The following SH3BGR variants were observed in gnomAD, a reference collection of about 807,000 sequenced individuals.
The protein encoded by SH3BGR is SH3 domain binding glutamate rich protein.
In SH3BGR, 29 loss-of-function variants were observed where a neutral mutation model predicts 24.5. That is an observed-to-expected ratio of 1.18 (90% CI 0.88 to 1.61). The LOEUF (loss-of-function observed/expected upper bound fraction) is 1.61. SH3BGR is among the 40% of genes most tolerant of loss of function. The pLI is 0.00. For missense variants in SH3BGR, 162 were observed against 205.8 expected (o/e 0.79, Z 1.30); for synonymous variants, 55 against 65.7 (o/e 0.84, Z 0.79).
chr21:39,458,857 G>A (rs902997457), intron 1 of SH3BGR, among the ~76,000 whole-genome samples: 1 of 152,080 alleles, frequency 6.6e-6, no homozygotes, highest in African/African-American at 2.4e-5. Flanking sequence ...ATGTTGGCCA[G>A]GCTGGTCTCG....
upstream of SH3BGR, among the ~76,000 whole-genome samples, chr21:39,448,907 G>A (rs1602052106): frequency 7.2e-6 from 1 of 138,614 alleles, no homozygotes; most frequent in South Asian, 2.2e-4. Context: ...ACCCCCAAAC[G>A]CCTTGCAGAC....
chr21:39,500,799 G>C (rs1602161304), intron 4 of SH3BGR, among the ~76,000 whole-genome samples: 1 of 152,130 alleles, frequency 6.6e-6, no homozygotes, highest in Non-Finnish European at 1.5e-5. Context: ...AATGTGGCTA[G>C]AAAGGGGCTG....
chr21:39,450,718 C>T (rs1019642427), upstream of SH3BGR, among the ~76,000 whole-genome samples: 15 of 152,206 alleles, frequency 9.9e-5, no homozygotes, highest in African/African-American at 3.4e-4. Context: ...ATTTTGAAAT[C>T]TATCAGAAGA....
intron 6 of SH3BGR, among the ~76,000 whole-genome samples, chr21:39,514,776 T>G (rs1298683662): frequency 6.6e-6 from 1 of 152,204 alleles, no homozygotes; most frequent in Non-Finnish European, 1.5e-5. Flanking sequence ...CATGAACCAT[T>G]TAGAGCTCCG....
At chr21:39,503,023 A>C (rs1602165931) in intron 4 of SH3BGR, among the ~76,000 whole-genome samples, 6 of 146,318 alleles carry the variant, frequency 4.1e-5, no homozygotes, top group African/African-American at 1.0e-4. Context: ...TAGCTTTATC[A>C]CCCCATTAGC....
At chr21:39,457,516 T>C (rs1190070560) in intron 1 of SH3BGR, among the ~76,000 whole-genome samples, 1 of 146,498 alleles carries the variant, frequency 6.8e-6, no homozygotes, top group African/African-American at 2.5e-5. Context: ...TTATATATTA[T>C]ATAGTTATAT....
chr21:39,510,554 T>G (rs185972367), intron 5 of SH3BGR, among the ~76,000 whole-genome samples: 1 of 152,076 alleles, frequency 6.6e-6, no homozygotes, highest in Admixed American at 6.5e-5. Context: ...GGGGAGGTAG[T>G]CAGTACAGAT....
chr21:39,486,096 GC>G (rs1480434097), intron 3 of SH3BGR, among the ~76,000 whole-genome samples: 1 of 152,168 alleles, frequency 6.6e-6, no homozygotes, highest in Admixed American at 6.5e-5. Flanking sequence ...GAAAGATGAA[GC>G]ATTTTTGCTT....
intron 6 of SH3BGR, among the ~76,000 whole-genome samples, chr21:39,513,728 C>T (rs2078737337): frequency 6.6e-6 from 1 of 152,128 alleles, no homozygotes; most frequent in Non-Finnish European, 1.5e-5. Context: ...GATATTCTAC[C>T]TGAAGAATGG....
At position 39,511,680 on chromosome 21, in the gene SH3BGR, A is replaced by T; in HGVS notation, c.436A>T (p.Thr146Ser). The change falls in exon 6 of 7, where the codon ACG becomes TCG. Residue 146 changes from threonine to serine, a missense_variant and splice_region_variant. Thr to Ser is a moderately conservative substitution (Grantham distance 58, BLOSUM62 1). Coordinates refer to ENST00000333634, the MANE Select transcript of SH3BGR (RefSeq NM_007341.3). This position sits in a 1 kb window ranked among gnomAD's most constrained non-coding sequence, Gnocchi z 4.2. Reference protein sequence around the residue: ...EEEGETATEETEEIAMEGAEG... With the variant: ...EEEGETATEESEEIAMEGAEG... ...CTAATGTAAGTTTTGTTAAAATAAG[A>T]CGGAAGAAATAGCCATGGAGGGTGC... The T allele has an allele frequency of 6.2e-7, 1 of 1,610,774 alleles. No homozygotes were observed. Among genetic ancestry groups the T allele is most frequent in the South Asian group, 1.1e-5 (1 of 90,758 alleles).
At chr21:39,468,992 A>G (rs1247608931) in intron 2 of SH3BGR, among the ~76,000 whole-genome samples, 1 of 148,166 alleles carries the variant, frequency 6.7e-6, no homozygotes, top group Non-Finnish European at 1.5e-5. Flanking sequence ...TTCTGTTTCT[A>G]TAAATTCTAA....
At chr21:39,447,293 G>C (rs2148431321), upstream of SH3BGR, among the ~76,000 whole-genome samples, 1 of 152,172 alleles carries the variant, frequency 6.6e-6, no homozygotes, top group Non-Finnish European at 1.5e-5. Flanking sequence ...CATGACTGGA[G>C]GAATTGAAAG....
intron 3 of SH3BGR, among the ~76,000 whole-genome samples, chr21:39,479,478 TGGTGATGGTAGTGGAGGTGGG>T (rs1181186136): frequency 6.6e-6 from 1 of 151,666 alleles, no homozygotes; most frequent in Admixed American, 6.6e-5. Context: ...GTGTTGGTGG[TGGTGATGGTAGTGGAGGTGGG>T]GGTGATGGAA....
At chr21:39,446,344 T>C (rs909225880) in intron 1 of SH3BGR, among the ~76,000 whole-genome samples, 1 of 152,180 alleles carries the variant, frequency 6.6e-6, no homozygotes, top group African/African-American at 2.4e-5. Flanking sequence ...AAGACTTACA[T>C]TGTTTCCTTT....
chr21:39,499,325 C>T (rs2078452979), intron 3 of SH3BGR, among the ~76,000 whole-genome samples: 1 of 145,290 alleles, frequency 6.9e-6, no homozygotes, highest in Admixed American at 7.2e-5. Context: ...TCCATCCATT[C>T]CTCCGTCTGT....
intron 3 of SH3BGR, among the ~76,000 whole-genome samples, chr21:39,478,184 A>G (rs939065580): frequency 9.9e-5 from 15 of 152,230 alleles, no homozygotes; most frequent in African/African-American, 3.6e-4. Flanking sequence ...GATATTGGAA[A>G]GGTCAAATAG....
At chr21:39,509,122 CATAAG>C in intron 5 of SH3BGR, 95 bp downstream of exon 5, 2 of 956,834 alleles carry the variant, frequency 2.1e-6, no homozygotes, top group Admixed American at 4.4e-5. Flanking sequence ...TTCTTAATAA[CATAAG>C]AGAGCGATGC....
intron 3 of SH3BGR, among the ~76,000 whole-genome samples, chr21:39,498,637 C>T (rs1416448007): frequency 6.6e-6 from 1 of 152,168 alleles, no homozygotes; most frequent in Non-Finnish European, 1.5e-5. Context: ...AAGCATCGTC[C>T]CTTCCCAATG....
chr21:39,460,775 C>G (rs957429298), intron 1 of SH3BGR, among the ~76,000 whole-genome samples: 1 of 150,360 alleles, frequency 6.7e-6, no homozygotes, highest in Non-Finnish European at 1.5e-5. Flanking sequence ...GCCTTCTATT[C>G]TTCTTTAAAC....
Sources: gnomAD v4.1 joint callset for allele counts (sites outside exome capture counted in the v4.1 genomes callset) on GRCh38, gnomAD v4.1.1 for gene constraint, Gnocchi (gnomAD v3.1) non-coding constraint, MANE v1.5 for transcripts, NCBI Gene and HGNC (gene_info 2026-07-23, HGNC 2026-07-21) for gene names.